Variants in APOL5 observed in about 807,000 individuals in gnomAD.
APOL5 encodes the protein apolipoprotein L5.
APOL5 carries 29 observed loss-of-function variants against 35.5 expected under a neutral mutation model. The observed-to-expected ratio is 0.82, with a 90% CI of 0.61 to 1.11. The LOEUF is 1.11. APOL5 is among the 50% of genes most tolerant of loss of function. APOL5 has a pLI of 0.00. For missense variants in APOL5, 514 were observed against 530.4 expected, an observed-to-expected ratio of 0.97 and a Z score of 0.30; for synonymous variants, 188 against 200.2, an observed-to-expected ratio of 0.94 and a Z score of 0.51.
chr22:35,717,879 G>T lies in APOL5; in HGVS notation c.8G>T (p.Cys3Phe). 4.4e-6 allele frequency: 7 copies of T among 1,579,352 alleles called. No homozygotes were observed. Among genetic ancestry groups the T allele is most frequent in the South Asian group, 1.2e-5 (1 of 82,772 alleles). MPCGKQGNLQVPG... is the reference protein window; with the variant it reads MPFGKQGNLQVPG... ...TTTTAAAAAATCTAAAGCATGCCATGTGGCAAACAAGGAAATTTGCAAGTT... is the reference window on the plus strand; with the variant it reads ...TTTTAAAAAATCTAAAGCATGCCATTTGGCAAACAAGGAAATTTGCAAGTT... The change falls in exon 1 of 5, where the codon TGT (cysteine) becomes TTT (phenylalanine). Residue 3 changes from cysteine to phenylalanine, a missense_variant. By Grantham distance (205) the Cys-to-Phe change is radical. Coordinates refer to ENST00000249044, the MANE Select transcript of APOL5 (RefSeq NM_030642.1).
chr22:35,713,128 TCTC>T (rs1301813456), upstream of APOL5, among the ~76,000 whole-genome samples: 2 of 152,240 alleles, frequency 1.3e-5, no homozygotes, highest in Non-Finnish European at 2.9e-5. Context: ...CAACATCTTC[TCTC>T]CTCTTCCTCC....
intron 2 of APOL5, among the ~76,000 whole-genome samples, chr22:35,722,117 T>TCAGGCA (rs561711553): frequency 9.6e-4 from 146 of 152,324 alleles, no homozygotes; most frequent in African/African-American, 3.4e-3. Flanking sequence ...CATTGACTTT[T>TCAGGCA]CAGGCACAGG....
intron 2 of APOL5, 22 bp from the exon 3 acceptor site, chr22:35,726,189 C>G: frequency 1.3e-6 from 2 of 1,594,088 alleles, no homozygotes; most frequent in Non-Finnish European, 1.7e-6. Flanking sequence ...TTTTAGTGCT[C>G]AGATTGCCTA....
chr22:35,721,664 G>A (rs982220708), intron 2 of APOL5, among the ~76,000 whole-genome samples: 1 of 152,136 alleles, frequency 6.6e-6, no homozygotes, highest in Non-Finnish European at 1.5e-5. Context: ...TCCCAATCCA[G>A]GAATATTCCT....
chr22:35,714,914 G>A (rs1050077260), upstream of APOL5, among the ~76,000 whole-genome samples: 4 of 152,216 alleles, frequency 2.6e-5, no homozygotes, highest in Non-Finnish European at 5.9e-5. Flanking sequence ...TTTGGGAGAC[G>A]TGAGTCAAAG....
chr22:35,714,696 G>A (rs143367177), upstream of APOL5, among the ~76,000 whole-genome samples: 212 of 152,330 alleles, frequency 1.4e-3, 1 homozygote, highest in African/African-American at 4.9e-3. Context: ...AATGAATGCA[G>A]GGTGTCCGAC....
chr22:35,713,897 T>A (rs763461479), upstream of APOL5, among the ~76,000 whole-genome samples: 1 of 152,166 alleles, frequency 6.6e-6, no homozygotes, highest in Non-Finnish European at 1.5e-5. Flanking sequence ...TCTTGCCCTA[T>A]CTCCCATGAG....
chr22:35,710,113 C>CTTTTTTTTTT, the APOL5 span, among the ~76,000 whole-genome samples: 25 of 86,710 alleles, frequency 2.9e-4, 1 homozygote, highest in African/African-American at 4.8e-4. Context: ...CTTTCTTTCT[C>CTTTTTTTTTT]TTTTTTTTTT....
the APOL5 span, among the ~76,000 whole-genome samples, chr22:35,712,236 T>C: frequency 6.6e-6 from 1 of 152,122 alleles, no homozygotes; most frequent in African/African-American, 2.4e-5. Context: ...CTCAAACTCC[T>C]GGACTCAAAT....
At chr22:35,720,373 C>A (rs1050414920) in intron 1 of APOL5, among the ~76,000 whole-genome samples, 195 bp from the exon 2 acceptor site, 1 of 152,214 alleles carries the variant, frequency 6.6e-6, no homozygotes, top group African/African-American at 2.4e-5. Flanking sequence ...TGGGCATTCC[C>A]ATGGTTTGTT....
At chr22:35,708,996 G>A in the APOL5 span, among the ~76,000 whole-genome samples, 1 of 152,220 alleles carries the variant, frequency 6.6e-6, no homozygotes, top group Middle Eastern at 3.4e-3. Flanking sequence ...ACACAAATGC[G>A]CTTCCCTTAC....
rs138757883 is a variant in APOL5, at chr22:35,719,450, T to C, written c.56-1118T>C. 4.6e-5 allele frequency among the ~76,000 whole-genome samples: 7 copies of C among 152,340 alleles called. No homozygotes were observed. The East Asian group carries it at 1.2e-3, about 25-fold the overall frequency. ...ACTGTGCCTCTCTCAGGGCTATAGA[T>C]GATAGGCACTGGACAGAATGAGCGT... On this transcript the variant is annotated intron_variant, in intron 1 of 4. Transcript: ENST00000249044.
upstream of APOL5, among the ~76,000 whole-genome samples, chr22:35,714,401 T>C (rs1239152419): frequency 1.3e-5 from 2 of 152,194 alleles, no homozygotes; most frequent in Non-Finnish European, 2.9e-5. Context: ...CCAGGCACTG[T>C]TATCTGGTTG....
At chr22:35,715,886 A>G (rs1926729029), upstream of APOL5, among the ~76,000 whole-genome samples, 1 of 152,218 alleles carries the variant, frequency 6.6e-6, no homozygotes, top group African/African-American at 2.4e-5. Flanking sequence ...GCATAGGAAG[A>G]GAGCAAAGAA....
the APOL5 span, among the ~76,000 whole-genome samples, chr22:35,708,635 C>A: frequency 2.6e-5 from 4 of 152,108 alleles, no homozygotes; most frequent in African/African-American, 9.7e-5. Flanking sequence ...GGGGCAGAGC[C>A]GTCCATGGTT....
chr22:35,713,672 C>A (rs1926656543), upstream of APOL5, among the ~76,000 whole-genome samples: 1 of 152,194 alleles, frequency 6.6e-6, no homozygotes, highest in African/African-American at 2.4e-5. Context: ...TTGTCATCTG[C>A]AGAGAGAGAA....
At chr22:35,710,113 CTTT>C in the APOL5 span, among the ~76,000 whole-genome samples, 3 of 86,704 alleles carry the variant, frequency 3.5e-5, no homozygotes, top group East Asian at 6.0e-4. Context: ...CTTTCTTTCT[CTTT>C]TTTTTTTTTT....
chr22:35,718,058 C>G, intron 1 of APOL5, 132 bp downstream of exon 1: 1 of 630,260 alleles, frequency 1.6e-6, no homozygotes, highest in Non-Finnish European at 2.4e-6. Flanking sequence ...ATAGCAGATC[C>G]TTGGTTTTAA....
At chr22:35,717,235 A>AAAAAAATATATAT, upstream of APOL5, among the ~76,000 whole-genome samples, 2 of 57,662 alleles carry the variant, frequency 3.5e-5, no homozygotes, top group Admixed American at 3.5e-4. Flanking sequence ...AAAAAAAAAA[A>AAAAAAATATATAT]ATATATATAT....
Sources: gnomAD v4.1 joint callset for allele counts (sites outside exome capture counted in the v4.1 genomes callset) on GRCh38, gnomAD v4.1.1 for gene constraint, MANE v1.5 for transcripts, NCBI Gene and HGNC (gene_info 2026-07-23, HGNC 2026-07-21) for gene names.